ARHGAP10: variants seen among roughly 807,000 people sequenced by gnomAD.
ARHGAP10 encodes the protein rho GTPase-activating protein 10.
In ARHGAP10, 87 loss-of-function variants were observed where a neutral mutation model predicts 108.6. The ratio of observed to expected loss-of-function variants is 0.80; its 90% CI spans 0.67 to 0.96. The LOEUF (loss-of-function observed/expected upper bound fraction) is 0.96. Among genes scored for constraint, ARHGAP10 ranks in the 40% least tolerant of loss-of-function variants. The pLI is 0.00. For synonymous variants in ARHGAP10, 347 were observed against 341.1 expected, an observed-to-expected ratio of 1.02 and a Z score of -0.19; for missense variants, 939 against 954.5, an observed-to-expected ratio of 0.98 and a Z score of 0.21.
At chr4:147,767,466 G>T (rs1360039237) in intron 1 of ARHGAP10, among the ~76,000 whole-genome samples, 2 of 151,756 alleles carry the variant, frequency 1.3e-5, no homozygotes, top group African/African-American at 4.8e-5. Flanking sequence ...GAAAAACATT[G>T]TGAGGACTGA....
intron 18 of ARHGAP10, among the ~76,000 whole-genome samples, chr4:148,003,561 G>T (rs533120528): frequency 1.3e-5 from 2 of 152,212 alleles, no homozygotes; most frequent in African/African-American, 4.8e-5. Flanking sequence ...CTCTTTGTAG[G>T]TCTCTAAGGA....
At chr4:147,757,418 A>C (rs532592662) in intron 1 of ARHGAP10, among the ~76,000 whole-genome samples, 34 of 151,144 alleles carry the variant, frequency 2.2e-4, no homozygotes, top group African/African-American at 7.0e-4. Context: ...CTGGTCTTGA[A>C]CTCCTGAGCT....
At chr4:148,057,709 C>T (rs1391804062) in intron 20 of ARHGAP10, among the ~76,000 whole-genome samples, 1 of 152,210 alleles carries the variant, frequency 6.6e-6, no homozygotes, top group Non-Finnish European at 1.5e-5. Flanking sequence ...TTAGGTGCTT[C>T]CTCCACTCTT....
At chr4:147,775,961 G>A (rs547966091) in intron 1 of ARHGAP10, among the ~76,000 whole-genome samples, 15 of 152,192 alleles carry the variant, frequency 9.9e-5, no homozygotes, top group African/African-American at 2.6e-4. Flanking sequence ...GAAAAGTTCC[G>A]TAAGCTGGCT....
intron 18 of ARHGAP10, among the ~76,000 whole-genome samples, chr4:147,982,361 C>CTT (rs1578756907): frequency 8.1e-6 from 1 of 123,958 alleles, no homozygotes; most frequent in East Asian, 2.4e-4. Flanking sequence ...TCTTTTCTTT[C>CTT]TTTCTTTTTT....
chr4:147,882,040 A>T (rs536433431), intron 10 of ARHGAP10, 108 bp downstream of exon 10: 1 of 974,160 alleles, frequency 1.0e-6, no homozygotes, highest in Admixed American at 2.0e-5. Flanking sequence ...GGAGAATGTT[A>T]TCTTGCTATA....
chr4:148,017,948 A>T (rs1741413675), intron 18 of ARHGAP10, among the ~76,000 whole-genome samples: 3 of 152,090 alleles, frequency 2.0e-5, no homozygotes, highest in Admixed American at 2.0e-4. Context: ...GCTGAGTCCC[A>T]TGAGCATAAA....
At chr4:147,775,495 A>G (rs915642325) in intron 1 of ARHGAP10, among the ~76,000 whole-genome samples, 2 of 152,196 alleles carry the variant, frequency 1.3e-5, no homozygotes, top group East Asian at 1.9e-4. Context: ...TTAGGGGCCT[A>G]TCAAGCCTTG....
At chr4:147,944,351 T>C (rs1286776613) in intron 14 of ARHGAP10, among the ~76,000 whole-genome samples, 1 of 152,258 alleles carries the variant, frequency 6.6e-6, no homozygotes, top group Non-Finnish European at 1.5e-5. Flanking sequence ...TTGTAGTTTA[T>C]TGCATATTGC....
intron 1 of ARHGAP10, among the ~76,000 whole-genome samples, chr4:147,742,323 C>T (rs1280507407): frequency 1.3e-5 from 2 of 151,964 alleles, no homozygotes; most frequent in East Asian, 3.8e-4. Flanking sequence ...ATTTAATCCT[C>T]ACATTACATA....
At chr4:147,864,376 C>G (rs1734457152) in intron 5 of ARHGAP10, 2 of 153,652 alleles carry the variant, frequency 1.3e-5, no homozygotes, top group Non-Finnish European at 2.9e-5. Flanking sequence ...CCATCACTCC[C>G]TGAGCGCTGA....
intron 3 of ARHGAP10, among the ~76,000 whole-genome samples, chr4:147,839,091 CG>C (rs1356680561): frequency 5.0e-5 from 7 of 139,550 alleles, no homozygotes; most frequent in Non-Finnish European, 9.3e-5. Flanking sequence ...TTAGATCTAT[CG>C]TATCTATCTA....
Position 147,786,727 on chromosome 4 carries a change from A to G in ARHGAP10, c.155-36000A>G, listed in dbSNP as rs566209316. ...GTTTTTGTGTTGGAATTTATTCAAC[A>G]GTGATTACTATCTTGAACCTGTAAG... On this transcript the variant is annotated intron_variant, in intron 1 of 22. Transcript: ENST00000336498. Among the ~76,000 whole-genome samples the G allele has an allele frequency of 2.0e-4, 30 of 152,338 alleles. No individual in the cohort carries two copies. The South Asian group carries it at 6.2e-3, about 32-fold the overall frequency.
rs1734592148 is a variant in ARHGAP10 at position 147,866,950 on chromosome 4, C to T, written c.702+134C>T. ...CTGAGAAACTGAGGGTATGCTGCCACCTGCTGGTCAACTCTTGGTGTGACC... is the reference window on the plus strand; with the variant it reads ...CTGAGAAACTGAGGGTATGCTGCCATCTGCTGGTCAACTCTTGGTGTGACC... On this transcript the variant is annotated intron_variant, in intron 7 of 22. Coordinates refer to ENST00000336498, the MANE Select transcript of ARHGAP10 (RefSeq NM_024605.4). 1.7e-5 allele frequency: 12 copies of T among 726,898 alleles called. No individual in the cohort carries two copies. In the South Asian group the frequency reaches 2.5e-4, roughly 15 times the overall value. 45.0% of individuals were successfully genotyped at this position (726,898 alleles called of 1,614,324 possible). A position where few individuals can be genotyped will look rare whatever the true frequency, so the allele number is the denominator to read the frequency against.
chr4:147,840,519 G>A (rs1733369150), intron 3 of ARHGAP10, among the ~76,000 whole-genome samples: 1 of 152,122 alleles, frequency 6.6e-6, no homozygotes. Context: ...ATTGAGGTAA[G>A]CTCTAATCTA....
chr4:147,854,454 A>G (rs920277477), intron 4 of ARHGAP10, among the ~76,000 whole-genome samples: 1 of 152,220 alleles, frequency 6.6e-6, no homozygotes. Flanking sequence ...TGTTTCACTC[A>G]TTAGATTACT....
chr4:147,840,394 C>G (rs1466833164), intron 3 of ARHGAP10, among the ~76,000 whole-genome samples: 1 of 152,156 alleles, frequency 6.6e-6, no homozygotes, highest in Non-Finnish European at 1.5e-5. Context: ...CCTCCCCACT[C>G]ACATGAAACA....
At chr4:148,067,889 TAA>T (rs1322202732) in intron 22 of ARHGAP10, among the ~76,000 whole-genome samples, 1 of 152,126 alleles carries the variant, frequency 6.6e-6, no homozygotes, top group Non-Finnish European at 1.5e-5. Flanking sequence ...GGCCTGGACT[TAA>T]GTTATGAGTT....
chr4:147,867,925 AC>A (rs1266994292), intron 7 of ARHGAP10, among the ~76,000 whole-genome samples: 1 of 33,654 alleles, frequency 3.0e-5, no homozygotes, highest in African/African-American at 6.0e-5. Flanking sequence ...TTTGTTTCTA[AC>A]TTTTTTTTTT....
Sources: allele counts gnomAD v4.1 joint callset (sites outside exome capture counted in the v4.1 genomes callset), GRCh38; gene constraint gnomAD v4.1.1; transcripts MANE v1.5; gene names NCBI Gene and HGNC (gene_info 2026-07-23, HGNC 2026-07-21).